DSCAM: variants seen among roughly 807,000 people sequenced by gnomAD.
DSCAM encodes the protein cell adhesion molecule DSCAM.
A neutral mutation model predicts 217.7 loss-of-function variants in DSCAM; 47 were observed. The ratio of observed to expected loss-of-function variants is 0.22; its 90% CI spans 0.17 to 0.28. The LOEUF (loss-of-function observed/expected upper bound fraction) is 0.28. Among genes scored for constraint, DSCAM ranks in the 10% least tolerant of loss-of-function variants. DSCAM has a pLI of 1.00. For missense variants in DSCAM, 2,080 were observed against 2,618.3 expected, an observed-to-expected ratio of 0.79 and a Z score of 4.49; for synonymous variants, 1,056 against 1,015.3, an observed-to-expected ratio of 1.04 and a Z score of -0.76.
intron 3 of DSCAM, among the ~76,000 whole-genome samples, chr21:40,668,997 A>G (rs2090237015): frequency 6.6e-6 from 1 of 152,168 alleles, no homozygotes; most frequent in Non-Finnish European, 1.5e-5. Flanking sequence ...ACACACACAC[A>G]CCAGATAATA....
intron 4 of DSCAM, among the ~76,000 whole-genome samples, chr21:40,363,988 A>C (rs2074798249): frequency 1.3e-5 from 2 of 152,214 alleles, no homozygotes; most frequent in African/African-American, 2.4e-5. Context: ...ATACCATCTT[A>C]CACCAGTTAG....
In DSCAM at chr21:40,276,142, C is replaced by A; in HGVS notation, c.2311G>T (p.Asp771Tyr). Residue 771 changes from aspartate to tyrosine, a missense_variant, in exon 11 of 33, where the codon GAT becomes TAT. By Grantham distance (160) the Asp-to-Tyr change is radical. Transcript: ENST00000400454. ...GACTTGCTGACGTCTGCGCCCACAT[C>A]GTTGCTGACCTTGCAGAGGTAGTAG... is the stretch of plus-strand genomic sequence containing the variant. Reference protein sequence around the residue: ...SGYYLCKVSNDVGADVSKSMY... With the variant: ...SGYYLCKVSNYVGADVSKSMY... The A allele has an allele frequency of 1.2e-6, 2 of 1,610,640 alleles. No homozygotes were observed. Among genetic ancestry groups the A allele is most frequent in the Non-Finnish European group, 1.7e-6 (2 of 1,178,560 alleles).
At chr21:40,278,198 T>C (rs548728852) in intron 10 of DSCAM, among the ~76,000 whole-genome samples, 4 of 152,206 alleles carry the variant, frequency 2.6e-5, no homozygotes, top group Non-Finnish European at 4.4e-5. Flanking sequence ...CCACTGAAAA[T>C]TGTAAAAGTT....
At chr21:40,351,467 G>A (rs992086607) in intron 5 of DSCAM, among the ~76,000 whole-genome samples, 3 of 152,194 alleles carry the variant, frequency 2.0e-5, no homozygotes, top group African/African-American at 7.2e-5. Flanking sequence ...CAGGAAGGAC[G>A]CCAAGGCTGT....
intron 3 of DSCAM, among the ~76,000 whole-genome samples, chr21:40,401,856 C>G (rs964379023): frequency 2.0e-5 from 3 of 151,910 alleles, no homozygotes; most frequent in African/African-American, 7.3e-5. Flanking sequence ...GCCATGGGCC[C>G]GTCTTGCCAG....
intron 11 of DSCAM, among the ~76,000 whole-genome samples, chr21:40,212,763 A>G (rs73366238): frequency 0.015 from 2,230 of 152,324 alleles, 55 homozygotes; most frequent in African/African-American, 0.05. Context: ...ACTTGGAAAT[A>G]CAGTCTTTGC....
chr21:40,460,969 T>C (rs192200530), intron 3 of DSCAM, among the ~76,000 whole-genome samples: 4 of 152,328 alleles, frequency 2.6e-5, no homozygotes, highest in Admixed American at 2.0e-4. Flanking sequence ...ACAACAGATA[T>C]ACGGTGCATA....
chr21:40,183,488 A>C (rs757926284), intron 14 of DSCAM, among the ~76,000 whole-genome samples: 1 of 152,206 alleles, frequency 6.6e-6, no homozygotes, highest in Non-Finnish European at 1.5e-5. Context: ...GCAGGAGATG[A>C]TGACAGGAGA....
intron 3 of DSCAM, among the ~76,000 whole-genome samples, chr21:40,686,529 T>G (rs1185073770): frequency 6.6e-6 from 1 of 152,240 alleles, no homozygotes; most frequent in Non-Finnish European, 1.5e-5. Flanking sequence ...TTTTCTTGTT[T>G]TCTTTTTTAA....
chr21:40,610,174 C>G (rs1358881616), intron 3 of DSCAM, among the ~76,000 whole-genome samples: 2 of 152,148 alleles, frequency 1.3e-5, no homozygotes, highest in Non-Finnish European at 2.9e-5. Context: ...GAAAGCCCAG[C>G]GAGACAATAT....
intron 3 of DSCAM, among the ~76,000 whole-genome samples, chr21:40,671,506 C>A (rs536308688): frequency 6.6e-6 from 1 of 151,600 alleles, no homozygotes; most frequent in Non-Finnish European, 1.5e-5. Context: ...AAACTCCCCC[C>A]CCGCACCGTC....
At chr21:40,631,555 C>A (rs560360275) in intron 3 of DSCAM, among the ~76,000 whole-genome samples, 1 of 152,188 alleles carries the variant, frequency 6.6e-6, no homozygotes, top group Non-Finnish European at 1.5e-5. Flanking sequence ...ATTGGGTCTA[C>A]TCTTTTGTCC....
At chr21:40,666,641 T>C (rs929806787) in intron 3 of DSCAM, among the ~76,000 whole-genome samples, 6 of 152,148 alleles carry the variant, frequency 3.9e-5, no homozygotes, top group Non-Finnish European at 8.8e-5. Flanking sequence ...CGGTGGTTGT[T>C]TTCCTGGGCG....
intron 3 of DSCAM, among the ~76,000 whole-genome samples, chr21:40,423,287 A>T (rs2075441883): frequency 6.6e-6 from 1 of 152,202 alleles, no homozygotes; most frequent in African/African-American, 2.4e-5. Context: ...TATTGTATTA[A>T]TGTAGGTAGG....
At chr21:40,380,418 A>G (rs2075008375) in intron 3 of DSCAM, among the ~76,000 whole-genome samples, 1 of 152,256 alleles carries the variant, frequency 6.6e-6, no homozygotes, top group South Asian at 2.1e-4. Context: ...TACGATGAAC[A>G]AGATGGTTTT....
In DSCAM at chr21:40,782,637, G is replaced by C. The variant is rs74494292; in HGVS notation, c.43+63982C>G. Among the ~76,000 whole-genome samples the C allele has an allele frequency of 9.7e-3, 1,475 of 152,244 alleles. 11 individuals carry two copies. The highest frequency in any genetic ancestry group is 0.016 in the Non-Finnish European group (1,101 of 68,028). On this transcript the variant is annotated intron_variant, in intron 1 of 32. Coordinates refer to ENST00000400454, the MANE Select transcript of DSCAM (RefSeq NM_001389.5). ...CTCAGCTACTCGGGAAGCTGAAGTG[G>C]AAGGATCATTTGAGTACAGGAGGTT...
chr21:40,327,351 C>A (rs1051027896), intron 8 of DSCAM, among the ~76,000 whole-genome samples: 6 of 152,100 alleles, frequency 3.9e-5, no homozygotes, highest in East Asian at 3.9e-4. Flanking sequence ...ATTTATCTTG[C>A]AATTTTAACT....
chr21:40,362,484 T>C (rs369030126), intron 4 of DSCAM, among the ~76,000 whole-genome samples: 2 of 152,316 alleles, frequency 1.3e-5, no homozygotes. Flanking sequence ...ACAAAATGTA[T>C]GGTTTTCCCG....
chr21:40,283,493 G>C (rs1261319836), intron 10 of DSCAM, among the ~76,000 whole-genome samples: 1 of 152,190 alleles, frequency 6.6e-6, no homozygotes, highest in Non-Finnish European at 1.5e-5. Context: ...CAGGGACTGA[G>C]AGTATGGGGA....
Sources: gnomAD v4.1 joint callset for allele counts (sites outside exome capture counted in the v4.1 genomes callset) on GRCh38, gnomAD v4.1.1 for gene constraint, MANE v1.5 for transcripts, NCBI Gene and HGNC (gene_info 2026-07-23, HGNC 2026-07-21) for gene names.